Variants in AGMO observed in about 807,000 individuals in gnomAD.
AGMO encodes the protein alkylglycerol monooxygenase, also known as glyceryl-ether monooxygenase.
Under a neutral mutation model 60.2 loss-of-function variants are expected in AGMO, and 75 were observed. The ratio of observed to expected loss-of-function variants is 1.25; its 90% CI spans 1.03 to 1.51. The LOEUF is 1.51. AGMO is among the 40% of genes most tolerant of loss of function. The pLI is 0.00. For missense variants in AGMO, 763 were observed against 525.5 expected, an observed-to-expected ratio of 1.45 and a Z score of -4.42; for synonymous variants, 261 against 177.1, an observed-to-expected ratio of 1.47 and a Z score of -3.76.
chr7:15,230,302 ACAGTTAC>A (rs1462304068), intron 12 of AGMO, among the ~76,000 whole-genome samples: 1 of 152,102 alleles, frequency 6.6e-6, no homozygotes, highest in Non-Finnish European at 1.5e-5. Flanking sequence ...TTTTCCCCTT[ACAGTTAC>A]AAGTTTATTG....
At chr7:15,376,258 G>A (rs943565444) in intron 10 of AGMO, among the ~76,000 whole-genome samples, 3 of 151,910 alleles carry the variant, frequency 2.0e-5, no homozygotes, top group African/African-American at 7.3e-5. Context: ...CAAGGGGATA[G>A]ACTAGAGAAA....
chr7:15,427,204 T>C (rs1781090208), intron 4 of AGMO, among the ~76,000 whole-genome samples: 2 of 152,222 alleles, frequency 1.3e-5, no homozygotes, highest in African/African-American at 4.8e-5. Context: ...CTAATATTTT[T>C]TCTATAGTAG....
intron 3 of AGMO, among the ~76,000 whole-genome samples, chr7:15,538,932 T>C (rs1036068851): frequency 6.6e-6 from 1 of 152,118 alleles, no homozygotes; most frequent in African/African-American, 2.4e-5. Flanking sequence ...TTAAAATGAA[T>C]TAAGCAATGT....
the AGMO span, among the ~76,000 whole-genome samples, chr7:15,181,570 T>C: frequency 3.9e-5 from 6 of 152,192 alleles, no homozygotes; most frequent in African/African-American, 1.4e-4. Context: ...TCCATTGCTC[T>C]TAATGCAATA....
At chr7:15,131,954 C>T in the AGMO span, among the ~76,000 whole-genome samples, 1 of 152,018 alleles carries the variant, frequency 6.6e-6, no homozygotes, top group Non-Finnish European at 1.5e-5. Context: ...TGAATCCACT[C>T]TCCTGTCTGC....
intron 12 of AGMO, among the ~76,000 whole-genome samples, chr7:15,264,635 T>C (rs571228450): frequency 2.0e-5 from 3 of 152,082 alleles, no homozygotes; most frequent in Admixed American, 2.0e-4. Context: ...TCAAGAGATA[T>C]GTCTCAAAAG....
chr7:15,325,018 TA>T (rs2128541651), intron 12 of AGMO, among the ~76,000 whole-genome samples: 1 of 152,320 alleles, frequency 6.6e-6, no homozygotes, highest in East Asian at 1.9e-4. Context: ...TTTTTGAGTT[TA>T]AAAAATTCAA....
intron 12 of AGMO, among the ~76,000 whole-genome samples, chr7:15,299,482 C>T (rs150027257): frequency 2.6e-4 from 40 of 152,202 alleles, no homozygotes; most frequent in Middle Eastern, 3.4e-3. Context: ...ATATCCATTT[C>T]TCATGCGAGC....
intron 10 of AGMO, among the ~76,000 whole-genome samples, chr7:15,371,706 A>AT (rs1783224565): frequency 9.7e-6 from 1 of 103,248 alleles, no homozygotes; most frequent in Non-Finnish European, 2.0e-5. Context: ...CCAACGGCTG[A>AT]TTTTTGTATT....
intron 12 of AGMO, among the ~76,000 whole-genome samples, chr7:15,283,775 T>C (rs1226940293): frequency 1.3e-5 from 2 of 151,950 alleles, no homozygotes; most frequent in Admixed American, 1.3e-4. Context: ...CTGCAGAATA[T>C]ACATTCTTTC....
At chr7:15,436,146 C>T (rs1781397328) in intron 3 of AGMO, among the ~76,000 whole-genome samples, 1 of 152,286 alleles carries the variant, frequency 6.6e-6, no homozygotes, top group Non-Finnish European at 1.5e-5. Context: ...AATCATATTG[C>T]TAGCACTTTA....
chr7:15,561,727 A>G lies in AGMO; in HGVS notation c.119T>C (p.Val40Ala). The part of the protein sequence containing the change: ...FQTLEEVPDY[V>A]KKATPFFISL... ...CTTCCAATAAAGTCTCACCTTTTTT[A>G]CATAATCAGGCACCTCTTCTAATGT... is the stretch of plus-strand genomic sequence containing the variant. The change falls in exon 1 of 13, where the codon GTA becomes GCA. Residue 40 changes from valine to alanine, a missense_variant. Transcript: ENST00000342526. 2.5e-6 allele frequency: 4 copies of G among 1,604,566 alleles called. No homozygotes were observed. The highest frequency in any genetic ancestry group is 1.7e-4 in the Middle Eastern group (1 of 5,988).
chr7:15,331,124 T>C (rs1302131486), intron 12 of AGMO, among the ~76,000 whole-genome samples: 1 of 152,174 alleles, frequency 6.6e-6, no homozygotes, highest in Non-Finnish European at 1.5e-5. Flanking sequence ...ACTCCATTAA[T>C]AGCCAGTATC....
chr7:15,118,592 A>G, the AGMO span, among the ~76,000 whole-genome samples: 1 of 152,104 alleles, frequency 6.6e-6, no homozygotes, highest in Admixed American at 6.6e-5. Flanking sequence ...AACATTTCTA[A>G]TATCTTCCGT....
At chr7:15,211,771 G>A (rs1781599154) in intron 12 of AGMO, among the ~76,000 whole-genome samples, 1 of 151,850 alleles carries the variant, frequency 6.6e-6, no homozygotes. Flanking sequence ...TTTTTATACA[G>A]ATCTTTTTCA....
chr7:15,267,438 G>A (rs558902499), intron 12 of AGMO, among the ~76,000 whole-genome samples: 39 of 152,032 alleles, frequency 2.6e-4, no homozygotes, highest in African/African-American at 9.4e-4. Flanking sequence ...AGGCAAAAAT[G>A]CATCAGAATG....
intron 3 of AGMO, among the ~76,000 whole-genome samples, chr7:15,459,775 G>T (rs1280804690): frequency 6.6e-6 from 1 of 151,772 alleles, no homozygotes; most frequent in East Asian, 1.9e-4. Flanking sequence ...TAAAAATAAG[G>T]GTAAGAATGA....
intron 3 of AGMO, among the ~76,000 whole-genome samples, chr7:15,441,648 G>A (rs539138982): frequency 2.1e-4 from 32 of 152,220 alleles, no homozygotes; most frequent in African/African-American, 7.7e-4. Context: ...CTCCTACGAC[G>A]CTCCTCCCCT....
chr7:15,517,070 A>G (rs1191309172), intron 3 of AGMO, among the ~76,000 whole-genome samples: 1 of 152,086 alleles, frequency 6.6e-6, no homozygotes, highest in Non-Finnish European at 1.5e-5. Context: ...AAAGATGAAG[A>G]GCTTATATTT....
Sources: gnomAD v4.1 joint callset for allele counts (sites outside exome capture counted in the v4.1 genomes callset) on GRCh38, gnomAD v4.1.1 for gene constraint, MANE v1.5 for transcripts, NCBI Gene and HGNC (gene_info 2026-07-23, HGNC 2026-07-21) for gene names.